NEK10: variants seen among roughly 807,000 people sequenced by gnomAD.
NEK10 encodes the protein serine/threonine-protein kinase Nek10.
A neutral mutation model predicts 159.8 loss-of-function variants in NEK10; 122 were observed. That is an observed-to-expected ratio of 0.76 (90% CI 0.66 to 0.89). The LOEUF (loss-of-function observed/expected upper bound fraction) is 0.89. NEK10 is among the 40% of genes least tolerant of loss of function. NEK10 has a pLI of 0.00. For synonymous variants in NEK10, 466 were observed against 457.1 expected, an observed-to-expected ratio of 1.02 and a Z score of -0.25; for missense variants, 1,342 against 1,323.1, an observed-to-expected ratio of 1.01 and a Z score of -0.22.
rs755123108 is a variant in NEK10, at chr3:27,346,042, G to A, written c.263+44C>T. The A allele has an allele frequency of 3.1e-6, 5 of 1,597,240 alleles. No homozygotes were observed. In the African/African-American group the frequency reaches 6.7e-5, roughly 21 times the overall value. On this transcript the variant is annotated intron_variant, in intron 4 of 35. Coordinates refer to ENST00000691995, the MANE Select transcript of NEK10 (RefSeq NM_001394966.1). The stretch of plus-strand genomic sequence containing the variant: ...AAACTTAAATAAAACTGTGAGCTAA[G>A]CAGAATAAGTTGCTGAAGACGAAGG...
intron 5 of NEK10, among the ~76,000 whole-genome samples, chr3:27,333,224 A>G (rs971299109): frequency 6.6e-6 from 1 of 151,694 alleles, no homozygotes; most frequent in Non-Finnish European, 1.5e-5. Context: ...ATCACCATGG[A>G]CTCCTGCAAT....
chr3:27,350,568 TA>T (rs1352757940), intron 3 of NEK10, among the ~76,000 whole-genome samples: 1 of 152,186 alleles, frequency 6.6e-6, no homozygotes, highest in African/African-American at 2.4e-5. Flanking sequence ...ACAGTATTTT[TA>T]TTTTTTTAGC....
intron 23 of NEK10, among the ~76,000 whole-genome samples, chr3:27,246,403 A>T (rs548967999): frequency 4.5e-4 from 68 of 152,146 alleles, no homozygotes; most frequent in East Asian, 1.9e-4. Context: ...TAGATTTTTT[A>T]AATTTTTTAT....
chr3:27,215,050 C>T (rs923898957), intron 23 of NEK10: 1 of 590,470 alleles, frequency 1.7e-6, no homozygotes, highest in Admixed American at 2.5e-5. Flanking sequence ...CAGCTTTCCT[C>T]TTGGCCGGCT....
chr3:27,365,619 T>TTTTTTG (rs2049019097), intron 1 of NEK10, among the ~76,000 whole-genome samples: 14 of 137,872 alleles, frequency 1.0e-4, no homozygotes, highest in Admixed American at 4.4e-4. Context: ...TGTTTTTTTT[T>TTTTTTG]TTTTTTTTTT....
chr3:27,219,094 CTCTGTAAG>C (rs1488769802), intron 23 of NEK10, among the ~76,000 whole-genome samples: 3 of 152,190 alleles, frequency 2.0e-5, no homozygotes, highest in Non-Finnish European at 4.4e-5. Context: ...TTAAAATGAA[CTCTGTAAG>C]TCTTTCCAAA....
intron 22 of NEK10, among the ~76,000 whole-genome samples, chr3:27,272,782 T>A (rs1171694077): frequency 6.6e-6 from 1 of 152,112 alleles, no homozygotes; most frequent in African/African-American, 2.4e-5. Context: ...TAGGGACCAG[T>A]GGTGTAGATA....
intron 22 of NEK10, among the ~76,000 whole-genome samples, chr3:27,265,150 G>T (rs183655369): frequency 1.6e-3 from 242 of 152,222 alleles, no homozygotes; most frequent in African/African-American, 5.4e-3. Flanking sequence ...CTGAAAAACT[G>T]AGTGTTTCCC....
chr3:27,237,996 C>T (rs1559342457), intron 23 of NEK10, among the ~76,000 whole-genome samples: 1 of 152,130 alleles, frequency 6.6e-6, no homozygotes, highest in Non-Finnish European at 1.5e-5. Flanking sequence ...ATACTATAGC[C>T]AATAACAAAA....
At chr3:27,198,536 G>A (rs987885223) in intron 25 of NEK10, among the ~76,000 whole-genome samples, 3 of 152,010 alleles carry the variant, frequency 2.0e-5, no homozygotes, top group Admixed American at 2.0e-4. Flanking sequence ...AGCAATGGGG[G>A]AAAGATTCCC....
At position 27,253,182 on chromosome 3, in the gene NEK10, A is replaced by C. The variant is rs527771302; in HGVS notation, c.2090+3114T>G. ...TGAATGGGATTATACTAAGCCATAG[A>C]CTAATAATTCCCATTCCAGGAATAG... On this transcript the variant is annotated intron_variant, in intron 23 of 35. Coordinates refer to ENST00000691995, the MANE Select transcript of NEK10 (RefSeq NM_001394966.1). Among the ~76,000 whole-genome samples the C allele has an allele frequency of 2.6e-5, 4 of 152,270 alleles. No individual in the cohort carries two copies. In the East Asian group the frequency reaches 7.7e-4, roughly 29 times the overall value.
At chr3:27,145,173 A>G (rs938517435) in intron 30 of NEK10, among the ~76,000 whole-genome samples, 3 of 151,582 alleles carry the variant, frequency 2.0e-5, no homozygotes, top group Admixed American at 2.0e-4. Flanking sequence ...TATCAATTTT[A>G]TACTGAGAAT....
At chr3:27,181,708 A>G (rs1226612711) in intron 26 of NEK10, among the ~76,000 whole-genome samples, 1 of 152,194 alleles carries the variant, frequency 6.6e-6, no homozygotes, top group Non-Finnish European at 1.5e-5. Flanking sequence ...GCACTTAAAT[A>G]TAGTTTTATT....
intron 23 of NEK10, among the ~76,000 whole-genome samples, chr3:27,205,170 A>G (rs1950426187): frequency 6.6e-6 from 1 of 152,024 alleles, no homozygotes; most frequent in Non-Finnish European, 1.5e-5. Flanking sequence ...GGACCTCTTC[A>G]AGGAGAACTA....
chr3:27,203,248 G>T (rs919244202), intron 23 of NEK10, among the ~76,000 whole-genome samples: 1 of 152,118 alleles, frequency 6.6e-6, no homozygotes, highest in African/African-American at 2.4e-5. Flanking sequence ...GAGACTTTGT[G>T]GTGACTAATG....
At chr3:27,119,593 C>T (rs548120773) in intron 33 of NEK10, among the ~76,000 whole-genome samples, 167 bp downstream of exon 33, 62 of 152,102 alleles carry the variant, frequency 4.1e-4, no homozygotes, top group Non-Finnish European at 7.1e-4. Context: ...AGATAAATTT[C>T]AGGGAATTTC....
intron 31 of NEK10, among the ~76,000 whole-genome samples, chr3:27,138,338 C>T (rs760664012): frequency 6.6e-6 from 1 of 152,200 alleles, no homozygotes; most frequent in Non-Finnish European, 1.5e-5. Flanking sequence ...AGGGCTTGCC[C>T]AGGTCCCCCA....
At chr3:27,116,176 T>C in intron 33 of NEK10, 49 bp from the exon 34 acceptor site, 1 of 1,554,756 alleles carries the variant, frequency 6.4e-7, no homozygotes. Flanking sequence ...TCACATTTTC[T>C]TAGTTATTCT....
At chr3:27,166,122 T>C (rs921140927) in intron 29 of NEK10, among the ~76,000 whole-genome samples, 4 of 152,224 alleles carry the variant, frequency 2.6e-5, no homozygotes, top group Non-Finnish European at 5.9e-5. Flanking sequence ...TGTGAGCTAA[T>C]GAGCATTTTA....
Sources: gnomAD v4.1 joint callset for allele counts (sites outside exome capture counted in the v4.1 genomes callset) on GRCh38, gnomAD v4.1.1 for gene constraint, MANE v1.5 for transcripts, NCBI Gene and HGNC (gene_info 2026-07-23, HGNC 2026-07-21) for gene names.